Variants in APP observed in about 807,000 individuals in gnomAD.
APP encodes the protein amyloid-beta precursor protein.
Under a neutral mutation model 101.4 loss-of-function variants are expected in APP, and 31 were observed. The ratio of observed to expected loss-of-function variants is 0.31; its 90% CI spans 0.23 to 0.41. The LOEUF (loss-of-function observed/expected upper bound fraction) is 0.41. Ranked by LOEUF, APP falls within the 10% of genes least tolerant of loss-of-function variation. The pLI is 1.00. For synonymous variants in APP, 366 were observed against 364.4 expected (o/e 1.00, Z -0.05); for missense variants, 839 against 1,003.7 (o/e 0.84, Z 2.22).
At chr21:26,018,091 A>T (rs1666184630) in intron 6 of APP, among the ~76,000 whole-genome samples, 1 of 152,228 alleles carries the variant, frequency 6.6e-6, no homozygotes, top group Non-Finnish European at 1.5e-5. Flanking sequence ...CATCGATTCT[A>T]ACACAATATG....
chr21:25,925,176 G>A (rs1182365007), intron 13 of APP, among the ~76,000 whole-genome samples: 1 of 82,876 alleles, frequency 1.2e-5, no homozygotes, highest in Admixed American at 1.6e-4. Context: ...AAATCAAGCG[G>A]TCACCCACTT....
chr21:25,952,267 C>T (rs1166403929), intron 13 of APP, among the ~76,000 whole-genome samples: 1 of 150,988 alleles, frequency 6.6e-6, no homozygotes, highest in Non-Finnish European at 1.5e-5. Flanking sequence ...TTTTATTATA[C>T]TTTAAGTTTG....
At chr21:26,095,485 G>A (rs751741730) in intron 2 of APP, among the ~76,000 whole-genome samples, 2 of 152,188 alleles carry the variant, frequency 1.3e-5, no homozygotes, top group East Asian at 3.8e-4. Flanking sequence ...TGATGGTGGC[G>A]TAGTGTCATA....
chr21:26,154,092 C>T (rs2063329365), intron 1 of APP, among the ~76,000 whole-genome samples: 1 of 152,110 alleles, frequency 6.6e-6, no homozygotes, highest in African/African-American at 2.4e-5. Flanking sequence ...ATTTTACATG[C>T]CAGGAATGCA....
intron 15 of APP, 99 bp downstream of exon 15, chr21:25,904,925 A>C: frequency 9.8e-7 from 1 of 1,022,746 alleles, no homozygotes; most frequent in Non-Finnish European, 1.5e-6. Context: ...ACTCTGCAGT[A>C]AGTACAATTG....
chr21:26,005,266 T>C (rs2146701804), intron 6 of APP, among the ~76,000 whole-genome samples: 1 of 151,894 alleles, frequency 6.6e-6, no homozygotes, highest in South Asian at 2.1e-4. Context: ...ATACAAAAAT[T>C]AGCTGGGCAT....
chr21:26,129,020 TA>T (rs1174679718), intron 1 of APP, among the ~76,000 whole-genome samples: 6 of 152,268 alleles, frequency 3.9e-5, no homozygotes, highest in African/African-American at 1.2e-4. Flanking sequence ...CTAGGCAAAA[TA>T]ATTACATGAC....
chr21:25,911,725 C>T lies in APP; in HGVS notation c.1909+16G>A, dbSNP rs2039079768. On this transcript the variant is annotated intron_variant, in intron 14 of 17. Transcript: ENST00000346798. ...ATACCTCCCAGAACGCCCTTGCTGG[C>T]TCAGGGGACTCTTACCTTCGTTTTC... 3 of 1,612,254 alleles carry T rather than the reference C, an allele frequency of 1.9e-6. No individual in the cohort carries two copies. The South Asian group carries it at 3.3e-5, about 18-fold the overall frequency.
chr21:26,089,096 C>A (rs929303712), intron 3 of APP, among the ~76,000 whole-genome samples: 2 of 152,116 alleles, frequency 1.3e-5, no homozygotes, highest in African/African-American at 4.8e-5. Flanking sequence ...GAATATACAT[C>A]AATATTTGTC....
At chr21:25,948,919 A>G (rs2040945690) in intron 13 of APP, among the ~76,000 whole-genome samples, 1 of 152,192 alleles carries the variant, frequency 6.6e-6, no homozygotes, top group African/African-American at 2.4e-5. Flanking sequence ...GCAGAATATG[A>G]ACACTGAAGA....
rs2061784308 is a variant in APP, at chr21:26,089,847, A to G, written c.355+96T>C. On this transcript the variant is annotated intron_variant, in intron 3 of 17. Transcript: ENST00000346798. Reference sequence around the variant, plus strand: ...ACACAGAGTGGCAATGTGCTGAAGAACAAGTCTGTGTATGTGACCTAACAG... The same window carrying G: ...ACACAGAGTGGCAATGTGCTGAAGAGCAAGTCTGTGTATGTGACCTAACAG... 8.9e-6 allele frequency: 14 copies of G among 1,571,428 alleles called. No individual in the cohort carries two copies. The South Asian group carries it at 1.4e-4, about 15-fold the overall frequency.
chr21:26,065,451 T>C (rs1030743722), intron 3 of APP, among the ~76,000 whole-genome samples: 3 of 152,238 alleles, frequency 2.0e-5, no homozygotes, highest in Admixed American at 1.3e-4. Context: ...ATAAGTAATG[T>C]GGCATTTAAA....
In APP at chr21:26,140,005, A is replaced by G. The variant is rs12482070; in HGVS notation, c.58-27859T>C. 27,489 of 660,660 alleles carry G rather than the reference A, an allele frequency of 0.042. 993 individuals are homozygous for G. The highest frequency in any genetic ancestry group is 0.093 in the African/African-American group (5,211 of 55,890). 40.9% of individuals were successfully genotyped at this position (660,660 alleles called of 1,614,324 possible). ...ACTGCATGGATGGCCAAATTAAATC[A>G]TTACACCAAATAATTTGCAAACTTC... On this transcript the variant is annotated intron_variant, in intron 1 of 17. Coordinates refer to ENST00000346798, the MANE Select transcript of APP (RefSeq NM_000484.4).
chr21:25,979,062 A>C (rs903917377), intron 9 of APP, among the ~76,000 whole-genome samples: 13 of 104,734 alleles, frequency 1.2e-4, no homozygotes, highest in African/African-American at 5.0e-4. Context: ...AAGTGCTCAC[A>C]CATGGTTCAG....
chr21:26,013,203 G>A (rs1371314932), intron 6 of APP, among the ~76,000 whole-genome samples: 1 of 152,054 alleles, frequency 6.6e-6, no homozygotes, highest in African/African-American at 2.4e-5. Flanking sequence ...TGTAATCCCA[G>A]CTACTCAGGA....
intron 13 of APP, among the ~76,000 whole-genome samples, chr21:25,921,537 A>AGGGGAT (rs1173989824): frequency 6.7e-6 from 1 of 148,236 alleles, no homozygotes; most frequent in Non-Finnish European, 1.5e-5. Flanking sequence ...AAAATGATAA[A>AGGGGAT]GGGGATATCA....
At chr21:25,887,468 T>A (rs1006131572) in intron 17 of APP, among the ~76,000 whole-genome samples, 1 of 147,678 alleles carries the variant, frequency 6.8e-6, no homozygotes, top group African/African-American at 2.5e-5. Flanking sequence ...AGTGACTCTC[T>A]GGCCTTATGG....
chr21:26,041,633 T>C (rs529629815), intron 5 of APP, among the ~76,000 whole-genome samples: 22 of 151,916 alleles, frequency 1.4e-4, no homozygotes, highest in Non-Finnish European at 2.8e-4. Flanking sequence ...AGCAGCACAG[T>C]CTCATTGCCA....
chr21:26,117,621 G>A (rs115888941), intron 1 of APP, among the ~76,000 whole-genome samples: 75 of 152,290 alleles, frequency 4.9e-4, no homozygotes, highest in African/African-American at 1.7e-3. Context: ...TAATGTGACC[G>A]GGCTGTCTCT....
Sources: allele counts gnomAD v4.1 joint callset (sites outside exome capture counted in the v4.1 genomes callset), GRCh38; gene constraint gnomAD v4.1.1; transcripts MANE v1.5; gene names NCBI Gene and HGNC (gene_info 2026-07-23, HGNC 2026-07-21).